The following COMMD10 variants were observed in gnomAD, a reference collection of about 807,000 sequenced individuals.
The protein encoded by COMMD10 is COMM domain containing 10.
A neutral mutation model predicts 28.9 loss-of-function variants in COMMD10; 33 were observed. The observed-to-expected ratio is 1.14, with a 90% CI of 0.87 to 1.53. COMMD10 has a LOEUF of 1.53. COMMD10 is among the 40% of genes most tolerant of loss of function. The pLI is 0.00. For synonymous variants in COMMD10, 110 were observed against 81.7 expected (o/e 1.35, Z -1.87); for missense variants, 310 against 233.4 (o/e 1.33, Z -2.14).
At chr5:116,238,896 G>A (rs1035563272) in intron 5 of COMMD10, among the ~76,000 whole-genome samples, 3 of 152,082 alleles carry the variant, frequency 2.0e-5, no homozygotes, top group East Asian at 1.9e-4. Context: ...TTGTTTAGAC[G>A]AACGATTTGG....
intron 5 of COMMD10, among the ~76,000 whole-genome samples, chr5:116,241,387 A>C (rs1288896502): frequency 6.6e-6 from 1 of 152,112 alleles, no homozygotes; most frequent in Non-Finnish European, 1.5e-5. Context: ...CCAAATACCT[A>C]CATATCTGTA....
intron 5 of COMMD10, among the ~76,000 whole-genome samples, chr5:116,264,071 TA>T (rs367645716): frequency 6.6e-6 from 1 of 151,948 alleles, no homozygotes; most frequent in African/African-American, 2.4e-5. Flanking sequence ...ACCTACTATG[TA>T]AAATGCAAGA....
rs11455689 is a variant in COMMD10 at position 116,196,508 on chromosome 5, T to TAA, written c.510+62340_510+62341dup. On this transcript the variant is annotated intron_variant, in intron 5 of 6. Coordinates refer to ENST00000274458, the MANE Select transcript of COMMD10 (RefSeq NM_016144.4). Reference sequence around the variant, plus strand: ...GTAACTTATGGAAAAATAAATATGTTAAAAAAAAAAAGTAATAGCCAAATC... The same window carrying TAA: ...GTAACTTATGGAAAAATAAATATGTTAAAAAAAAAAAAAGTAATAGCCAAATC... Among the ~76,000 whole-genome samples the TAA allele has an allele frequency of 6.8e-4, 101 of 147,652 alleles. No homozygotes were observed. The East Asian group carries it at 8.5e-3, about 12-fold the overall frequency.
intron 5 of COMMD10, among the ~76,000 whole-genome samples, chr5:116,236,877 G>T (rs559977402): frequency 1.3e-5 from 2 of 152,164 alleles, no homozygotes; most frequent in East Asian, 3.9e-4. Flanking sequence ...TCTGGTGGGG[G>T]ATACTGATAA....
chr5:116,155,614 G>A (rs1752680593), intron 5 of COMMD10, among the ~76,000 whole-genome samples: 1 of 152,058 alleles, frequency 6.6e-6, no homozygotes, highest in Non-Finnish European at 1.5e-5. Flanking sequence ...AATTGACAAA[G>A]TGAGGAATGT....
chr5:116,205,966 A>G (rs1386877083), intron 5 of COMMD10, among the ~76,000 whole-genome samples: 1 of 149,784 alleles, frequency 6.7e-6, no homozygotes. Flanking sequence ...GTTAGTTTAC[A>G]TGTATCATTT....
At chr5:116,274,630 C>G (rs1209363683) in intron 5 of COMMD10, among the ~76,000 whole-genome samples, 1 of 151,810 alleles carries the variant, frequency 6.6e-6, no homozygotes, top group Non-Finnish European at 1.5e-5. Flanking sequence ...GTAACATTCT[C>G]ATCATTGAAT....
At chr5:116,286,344 AT>A (rs34465499) in intron 5 of COMMD10, among the ~76,000 whole-genome samples, 90,976 of 148,950 alleles carry the variant, frequency 0.61, 30,321 homozygotes, top group African/African-American at 0.89. Context: ...TTGTTTTTTG[AT>A]TTTTCTATGT....
intron 5 of COMMD10, among the ~76,000 whole-genome samples, chr5:116,270,220 T>C (rs2112696027): frequency 6.6e-6 from 1 of 152,024 alleles, no homozygotes; most frequent in Admixed American, 6.6e-5. Context: ...TATTTAGGCT[T>C]TTCGAAAGCA....
At chr5:116,124,041 G>A (rs930129790) in intron 4 of COMMD10, among the ~76,000 whole-genome samples, 12 of 151,776 alleles carry the variant, frequency 7.9e-5, no homozygotes, top group Non-Finnish European at 1.6e-4. Context: ...TTGATGTTTT[G>A]AAGGGTTTTT....
At chr5:116,286,803 C>T (rs1247639601) in intron 5 of COMMD10, among the ~76,000 whole-genome samples, 2 of 151,762 alleles carry the variant, frequency 1.3e-5, no homozygotes, top group Non-Finnish European at 2.9e-5. Flanking sequence ...GAGAATGTTC[C>T]ATGGGTACTC....
intron 5 of COMMD10, among the ~76,000 whole-genome samples, chr5:116,229,555 G>T (rs72804901): frequency 0.11 from 16,109 of 151,926 alleles, 900 homozygotes; most frequent in East Asian, 0.14. Flanking sequence ...CAGTTCTGTA[G>T]CGCAACACTG....
At chr5:116,283,917 C>G (rs1751145896) in intron 5 of COMMD10, among the ~76,000 whole-genome samples, 1 of 151,714 alleles carries the variant, frequency 6.6e-6, no homozygotes, top group African/African-American at 2.4e-5. Context: ...ATCACTTGAG[C>G]TCAGGGGTTT....
intron 5 of COMMD10, among the ~76,000 whole-genome samples, chr5:116,194,487 T>C (rs953187652): frequency 5.3e-5 from 8 of 152,146 alleles, no homozygotes; most frequent in South Asian, 2.1e-4. Context: ...ACAGGAGATA[T>C]TACAACTGAC....
intron 5 of COMMD10, among the ~76,000 whole-genome samples, chr5:116,196,946 G>A (rs1336002684): frequency 3.3e-5 from 5 of 152,064 alleles, no homozygotes; most frequent in Admixed American, 2.6e-4. Flanking sequence ...CATTTCTGTC[G>A]ATGTATTCCT....
chr5:116,276,076 C>T (rs968018924), intron 5 of COMMD10, among the ~76,000 whole-genome samples: 5 of 150,504 alleles, frequency 3.3e-5, no homozygotes, highest in Non-Finnish European at 7.4e-5. Flanking sequence ...TGTACAGCAC[C>T]AAAGCAAGCA....
intron 2 of COMMD10, among the ~76,000 whole-genome samples, chr5:116,088,584 A>G (rs1433254243): frequency 6.6e-6 from 1 of 152,186 alleles, no homozygotes; most frequent in African/African-American, 2.4e-5. Flanking sequence ...TGCAGTCTAC[A>G]TTCTCCTCAT....
chr5:116,094,584 G>A (rs1037456893), intron 4 of COMMD10, among the ~76,000 whole-genome samples: 1 of 152,164 alleles, frequency 6.6e-6, no homozygotes, highest in South Asian at 2.1e-4. Flanking sequence ...ATGTATATTA[G>A]TACAGCCATT....
chr5:116,227,945 A>G (rs1315526085), intron 5 of COMMD10, among the ~76,000 whole-genome samples: 3 of 152,048 alleles, frequency 2.0e-5, no homozygotes, highest in Non-Finnish European at 2.9e-5. Flanking sequence ...AAACTAGGTC[A>G]TGTTATAAAT....
Sources: allele counts gnomAD v4.1 joint callset (sites outside exome capture counted in the v4.1 genomes callset), GRCh38; gene constraint gnomAD v4.1.1; transcripts MANE v1.5; gene names NCBI Gene and HGNC (gene_info 2026-07-23, HGNC 2026-07-21).